The following PALM2AKAP2 variants were observed in gnomAD, a reference collection of about 807,000 sequenced individuals.
PALM2AKAP2 encodes the protein PALM2 and AKAP2 fusion.
Under a neutral mutation model 71.5 loss-of-function variants are expected in PALM2AKAP2, and 37 were observed. The ratio of observed to expected loss-of-function variants is 0.52; its 90% CI spans 0.40 to 0.68. PALM2AKAP2 has a LOEUF of 0.68. PALM2AKAP2 is among the 30% of genes least tolerant of loss of function. PALM2AKAP2 has a pLI of 0.00. For missense variants in PALM2AKAP2, 1,224 were observed against 1,191.8 expected, an observed-to-expected ratio of 1.03 and a Z score of -0.40; for synonymous variants, 468 against 478.8, an observed-to-expected ratio of 0.98 and a Z score of 0.29.
chr9:110,043,716 GTTTTTTT>G (rs61128628), upstream of PALM2AKAP2, among the ~76,000 whole-genome samples: 1 of 91,588 alleles, frequency 1.1e-5, no homozygotes. Flanking sequence ...TTTTTTTGGT[GTTTTTTT>G]TTTTTTTTTT....
chr9:109,668,738 G>C (rs2118482257), intron 1 of PALM2AKAP2, among the ~76,000 whole-genome samples: 1 of 152,308 alleles, frequency 6.6e-6, no homozygotes, highest in South Asian at 2.1e-4. Flanking sequence ...AGGGCTTCCA[G>C]AGAGTGTTGT....
intron 1 of PALM2AKAP2, among the ~76,000 whole-genome samples, chr9:109,681,420 ATGT>A (rs1827731495): frequency 6.6e-6 from 1 of 152,342 alleles, no homozygotes; most frequent in South Asian, 2.1e-4. Flanking sequence ...TGCAATTCAA[ATGT>A]TGTTGAGGGT....
chr9:109,986,933 C>T (rs974826452), intron 6 of PALM2AKAP2, among the ~76,000 whole-genome samples: 1 of 152,108 alleles, frequency 6.6e-6, no homozygotes, highest in Non-Finnish European at 1.5e-5. Flanking sequence ...TGGCCTGATG[C>T]TATCTCTTTT....
At chr9:109,858,985 C>T (rs1360527938) in intron 1 of PALM2AKAP2, among the ~76,000 whole-genome samples, 2 of 152,160 alleles carry the variant, frequency 1.3e-5, no homozygotes, top group Non-Finnish European at 2.9e-5. Context: ...TATAAAGTAT[C>T]TATAAAGGAC....
At chr9:110,020,960 A>T (rs1448491788) in intron 7 of PALM2AKAP2, among the ~76,000 whole-genome samples, 5 of 151,952 alleles carry the variant, frequency 3.3e-5, no homozygotes. Flanking sequence ...ATACAAAAAA[A>T]TTAGGCATGG....
At chr9:109,644,768 G>A (rs1564099745) in intron 1 of PALM2AKAP2, among the ~76,000 whole-genome samples, 1 of 152,074 alleles carries the variant, frequency 6.6e-6, no homozygotes, top group Non-Finnish European at 1.5e-5. Flanking sequence ...AAATCTCTAG[G>A]GCAAGGGAAA....
chr9:109,666,730 A>T (rs1232512052), intron 1 of PALM2AKAP2, among the ~76,000 whole-genome samples: 1 of 152,246 alleles, frequency 6.6e-6, no homozygotes, highest in Non-Finnish European at 1.5e-5. Flanking sequence ...GGGAGTCAGC[A>T]GAAGGCTCCC....
At chr9:109,656,408 C>T (rs542139745) in intron 1 of PALM2AKAP2, among the ~76,000 whole-genome samples, 1 of 152,274 alleles carries the variant, frequency 6.6e-6, no homozygotes, top group South Asian at 2.1e-4. Context: ...CTTCCTTTTG[C>T]AAACTTTACA....
chr9:109,915,289 G>A (rs1293292642), intron 3 of PALM2AKAP2, among the ~76,000 whole-genome samples: 2 of 152,260 alleles, frequency 1.3e-5, no homozygotes, highest in African/African-American at 2.4e-5. Context: ...AGAAGTTCAA[G>A]AAGGTGTGAA....
chr9:110,044,579 T>A (rs1833564869), upstream of PALM2AKAP2, among the ~76,000 whole-genome samples: 1 of 151,704 alleles, frequency 6.6e-6, no homozygotes, highest in Admixed American at 6.6e-5. Flanking sequence ...CTCAAACTAC[T>A]GACCTCAGGT....
At chr9:109,992,097 G>A (rs906382526) in intron 6 of PALM2AKAP2, among the ~76,000 whole-genome samples, 1 of 152,110 alleles carries the variant, frequency 6.6e-6, no homozygotes, top group Non-Finnish European at 1.5e-5. Context: ...CAGTTCTGGA[G>A]CCTAGAAGTC....
At chr9:110,062,394 C>G (rs1833983672) in intron 1 of PALM2AKAP2, among the ~76,000 whole-genome samples, 1 of 152,160 alleles carries the variant, frequency 6.6e-6, no homozygotes. Flanking sequence ...GCTTTGAGCT[C>G]CATTCATGTC....
At chr9:109,886,283 G>T (rs1421942929) in intron 3 of PALM2AKAP2, among the ~76,000 whole-genome samples, 1 of 152,126 alleles carries the variant, frequency 6.6e-6, no homozygotes, top group African/African-American at 2.4e-5. Flanking sequence ...TGGACCTCGG[G>T]TTGATACTTT....
chr9:109,653,127 G>T (rs1434592713), intron 1 of PALM2AKAP2, among the ~76,000 whole-genome samples: 1 of 152,152 alleles, frequency 6.6e-6, no homozygotes, highest in African/African-American at 2.4e-5. Flanking sequence ...TATGACTAAT[G>T]CTGCCTCCGT....
intron 3 of PALM2AKAP2, among the ~76,000 whole-genome samples, chr9:109,900,585 A>C (rs985363882): frequency 6.6e-6 from 1 of 152,224 alleles, no homozygotes; most frequent in African/African-American, 2.4e-5. Flanking sequence ...AAATGTATTC[A>C]TCATTCAATC....
At chr9:109,706,144 C>A (rs1828140495) in intron 1 of PALM2AKAP2, among the ~76,000 whole-genome samples, 2 of 152,200 alleles carry the variant, frequency 1.3e-5, no homozygotes, top group East Asian at 1.9e-4. Flanking sequence ...AAAAAACATG[C>A]CTGGAAAGCT....
chr9:109,824,711 C>A (rs529297382), intron 1 of PALM2AKAP2, among the ~76,000 whole-genome samples: 2 of 152,130 alleles, frequency 1.3e-5, no homozygotes, highest in South Asian at 2.1e-4. Flanking sequence ...CAAAAACAGG[C>A]AGATGTATGT....
chr9:109,781,798 G>T (rs1372456505), intron 1 of PALM2AKAP2, among the ~76,000 whole-genome samples: 1 of 152,160 alleles, frequency 6.6e-6, no homozygotes, highest in Non-Finnish European at 1.5e-5. Flanking sequence ...AACTCAGAAA[G>T]GTTGTTTTTT....
intron 1 of PALM2AKAP2, among the ~76,000 whole-genome samples, chr9:109,675,947 G>A (rs1455885945): frequency 6.6e-6 from 1 of 152,062 alleles, no homozygotes; most frequent in Admixed American, 6.6e-5. Flanking sequence ...TATCCTAAGA[G>A]CTCTTAAAGA....
Sources: gnomAD v4.1 joint callset for allele counts (sites outside exome capture counted in the v4.1 genomes callset) on GRCh38, gnomAD v4.1.1 for gene constraint, MANE v1.5 for transcripts, NCBI Gene and HGNC (gene_info 2026-07-23, HGNC 2026-07-21) for gene names.